Variants in EIPR1 observed in about 807,000 individuals in gnomAD.
EIPR1 encodes the protein EARP and GARP complex-interacting protein 1.
Under a neutral mutation model 48.1 loss-of-function variants are expected in EIPR1, and 25 were observed. The observed-to-expected ratio is 0.52, with a 90% CI of 0.38 to 0.73. EIPR1 has a LOEUF of 0.73. Ranked by LOEUF, EIPR1 falls within the 30% of genes least tolerant of loss-of-function variation. EIPR1 has a pLI of 0.00. For missense variants in EIPR1, 415 were observed against 506.2 expected (o/e 0.82, Z 1.73); for synonymous variants, 204 against 201.9 (o/e 1.01, Z -0.09).
chr2:3,273,973 TA>T (rs961752082), intron 3 of EIPR1, among the ~76,000 whole-genome samples: 1 of 152,032 alleles, frequency 6.6e-6, no homozygotes, highest in Non-Finnish European at 1.5e-5. Flanking sequence ...GGAATCTTCT[TA>T]AAAAAAATAA....
At position 3,189,271 on chromosome 2, in the gene EIPR1, C is replaced by G. The variant is rs1459532432; in HGVS notation, c.*63G>C. On this transcript the variant is annotated 3_prime_UTR_variant, in exon 9 of 9. Transcript: ENST00000382125. This position sits in a 1 kb window ranked among gnomAD's most constrained non-coding sequence, Gnocchi z 4.6. ...ACGAGTCACCTCCAAAGAGCTGCGA[C>G]TGTTTGAGAATCTGCCAAGAGGAAA... The G allele has an allele frequency of 9.7e-6, 14 of 1,438,168 alleles. No individual in the cohort carries two copies. The highest frequency in any genetic ancestry group is 1.2e-5 in the Non-Finnish European group (13 of 1,078,112). The allele number at this position is 1,438,168 out of a possible 1,614,324, so 89.1% of individuals were successfully genotyped here. A position where few individuals can be genotyped will look rare whatever the true frequency, so the allele number is the denominator to read the frequency against.
chr2:3,360,479 C>CACCCTGTAGGG (rs1670826314), intron 1 of EIPR1, among the ~76,000 whole-genome samples: 1 of 152,028 alleles, frequency 6.6e-6, no homozygotes, highest in Non-Finnish European at 1.5e-5. Context: ...AGTCTGCCAC[C>CACCCTGTAGGG]ACCCTGTAGG....
chr2:3,194,210 T>C lies in EIPR1; in HGVS notation c.654-44A>G, dbSNP rs771440257. On this transcript the variant is annotated intron_variant, in intron 6 of 8. Coordinates refer to ENST00000382125, the MANE Select transcript of EIPR1 (RefSeq NM_003310.5). Reference sequence around the variant, plus strand: ...CAGCAAAGGAAAATAGTAAATGGATTAGGAAAAGCCACTGCGTGCTGCGGG... The same window carrying C: ...CAGCAAAGGAAAATAGTAAATGGATCAGGAAAAGCCACTGCGTGCTGCGGG... The C allele has an allele frequency of 3.2e-5, 52 of 1,606,070 alleles. 1 individual carries two copies. The South Asian group carries it at 4.7e-4, about 15-fold the overall frequency.
rs751490435 is a variant in EIPR1 at position 3,228,016 on chromosome 2, T to C, written c.417-13768A>G. ...CTTATGAAGAACCTCTGCTAGGGAG[T>C]TGGAGCCCCCACACAGAGTGCCCCA... On this transcript the variant is annotated intron_variant, in intron 4 of 8. Transcript: ENST00000382125. Among the ~76,000 whole-genome samples the C allele has an allele frequency of 3.3e-5, 5 of 152,140 alleles. No homozygotes were observed. The East Asian group carries it at 7.7e-4, about 23-fold the overall frequency.
intron 3 of EIPR1, among the ~76,000 whole-genome samples, chr2:3,292,557 C>T (rs1402140522): frequency 6.6e-6 from 1 of 152,182 alleles, no homozygotes; most frequent in African/African-American, 2.4e-5. Flanking sequence ...TGCTGCTGTC[C>T]CTCTTTTATG....
At chr2:3,246,032 G>A (rs12471956) in intron 4 of EIPR1, among the ~76,000 whole-genome samples, 86,714 of 151,464 alleles carry the variant, frequency 0.57, 25,124 homozygotes, top group East Asian at 0.75. Flanking sequence ...CCGAGGCTGT[G>A]GTTGAGCCGT....
At chr2:3,353,812 G>A (rs773456285) in intron 2 of EIPR1, among the ~76,000 whole-genome samples, 4 of 152,058 alleles carry the variant, frequency 2.6e-5, no homozygotes, top group Non-Finnish European at 4.4e-5. Flanking sequence ...CCAGGCCTGC[G>A]TATTCTTCGA....
At chr2:3,207,985 C>T (rs189192230) in intron 5 of EIPR1, 295 of 152,942 alleles carry the variant, frequency 1.9e-3, no homozygotes, top group Admixed American at 2.5e-3. Flanking sequence ...AAACAAATAT[C>T]CAAAACATAA....
In EIPR1 at chr2:3,196,291, A is replaced by G. The variant is rs1369722980; in HGVS notation, c.653+590T>C. On this transcript the variant is annotated intron_variant, in intron 6 of 8. Transcript: ENST00000382125. ...ATGGTGTGCTGAGGGGATAAACTGT[A>G]TCTTAAAAAAGCTTGTGTGGGCTTC... Among the ~76,000 whole-genome samples, 13 of 152,214 alleles carry G rather than the reference A, an allele frequency of 8.5e-5. 1 individual carries two copies. The highest frequency in any genetic ancestry group is 2.9e-5 in the Non-Finnish European group (2 of 68,034).
intron 3 of EIPR1, among the ~76,000 whole-genome samples, chr2:3,287,287 A>G (rs1668220291): frequency 1.5e-5 from 1 of 67,088 alleles, no homozygotes; most frequent in East Asian, 3.3e-4. Context: ...CACTCCAGAA[A>G]GCTCGTTCAC....
chr2:3,207,870 T>A (rs1665290123), intron 5 of EIPR1: 2 of 152,276 alleles, frequency 1.3e-5, no homozygotes, highest in African/African-American at 4.8e-5. Context: ...CATGTAGTTT[T>A]ATGATATTAA....
chr2:3,351,079 A>T (rs1050263007), intron 2 of EIPR1, among the ~76,000 whole-genome samples: 4 of 151,102 alleles, frequency 2.6e-5, no homozygotes, highest in African/African-American at 9.7e-5. Flanking sequence ...GCTCACTGCA[A>T]CCTCCATCTT....
intron 2 of EIPR1, among the ~76,000 whole-genome samples, chr2:3,352,243 C>T (rs559495542): frequency 1.1e-4 from 15 of 131,062 alleles, no homozygotes; most frequent in East Asian, 2.4e-4. Context: ...TGTCTGTTCC[C>T]GACACCTTTG....
intron 4 of EIPR1, among the ~76,000 whole-genome samples, chr2:3,255,045 A>G (rs1467371864): frequency 3.3e-5 from 5 of 152,238 alleles, no homozygotes; most frequent in Non-Finnish European, 5.9e-5. Context: ...AGAAAAAAGA[A>G]TATGCAATAA....
intron 1 of EIPR1, among the ~76,000 whole-genome samples, chr2:3,367,864 C>A (rs1292949919): frequency 6.6e-6 from 1 of 151,958 alleles, no homozygotes; most frequent in Non-Finnish European, 1.5e-5. Flanking sequence ...CTGGCTAACA[C>A]CCTGAAACCC....
intron 4 of EIPR1, among the ~76,000 whole-genome samples, chr2:3,222,516 G>C (rs916898969): frequency 1.2e-5 from 1 of 86,700 alleles, no homozygotes; most frequent in Non-Finnish European, 2.5e-5. Flanking sequence ...AGGTAATATT[G>C]ATTTGCTTTA....
At chr2:3,242,784 T>G (rs1666677914) in intron 4 of EIPR1, among the ~76,000 whole-genome samples, 2 of 152,236 alleles carry the variant, frequency 1.3e-5, no homozygotes, top group Admixed American at 1.3e-4. Flanking sequence ...GAGAATATAA[T>G]GAATTATTTC....
chr2:3,194,756 A>C (rs1664751421), intron 6 of EIPR1, among the ~76,000 whole-genome samples: 1 of 151,836 alleles, frequency 6.6e-6, no homozygotes, highest in Non-Finnish European at 1.5e-5. Flanking sequence ...ATCTATCTAT[A>C]GATATATACA....
chr2:3,196,657 C>T (rs1019284120), intron 6 of EIPR1, among the ~76,000 whole-genome samples: 8 of 152,208 alleles, frequency 5.3e-5, no homozygotes, highest in East Asian at 1.9e-4. Flanking sequence ...CAATATGGAA[C>T]ATTAAACAGC....
Sources: allele counts gnomAD v4.1 joint callset (sites outside exome capture counted in the v4.1 genomes callset), GRCh38; gene constraint gnomAD v4.1.1; non-coding constraint Gnocchi (gnomAD v3.1); transcripts MANE v1.5; gene names NCBI Gene and HGNC (gene_info 2026-07-23, HGNC 2026-07-21).